The following MYO5C variants were observed in gnomAD, a reference collection of about 807,000 sequenced individuals.
MYO5C encodes the protein myosin VC.
A neutral mutation model predicts 235.7 loss-of-function variants in MYO5C; 194 were observed. That is an observed-to-expected ratio of 0.82 (90% CI 0.73 to 0.93). MYO5C has a LOEUF of 0.93. MYO5C is among the 40% of genes least tolerant of loss of function. MYO5C has a pLI of 0.00. For missense variants in MYO5C, 2,038 were observed against 2,127.2 expected (o/e 0.96, Z 0.82); for synonymous variants, 707 against 754.8 (o/e 0.94, Z 1.04).
intron 1 of MYO5C, among the ~76,000 whole-genome samples, chr15:52,290,592 T>C (rs1377694583): frequency 6.8e-6 from 1 of 148,086 alleles, no homozygotes; most frequent in Non-Finnish European, 1.5e-5. Flanking sequence ...AGTCATAACC[T>C]GAGTTCTAAT....
At chr15:52,219,488 C>T (rs1189209293) in intron 31 of MYO5C, among the ~76,000 whole-genome samples, 1 of 152,208 alleles carries the variant, frequency 6.6e-6, no homozygotes, top group Non-Finnish European at 1.5e-5. Flanking sequence ...GTGTCCTCCC[C>T]TCCTCTGTGT....
intron 28 of MYO5C, 39 bp downstream of exon 28, chr15:52,224,862 T>C (rs1183239996): frequency 6.5e-7 from 1 of 1,539,624 alleles, no homozygotes; most frequent in East Asian, 2.2e-5. Context: ...ATTTATTATC[T>C]CTGAAAAATA....
chr15:52,249,120 C>G (rs1566978957), intron 13 of MYO5C, among the ~76,000 whole-genome samples: 2 of 152,244 alleles, frequency 1.3e-5, no homozygotes, highest in South Asian at 4.2e-4. Context: ...TTGAAGCCAC[C>G]AGGAGGAGGA....
chr15:52,279,528 T>C lies in MYO5C; in HGVS notation c.285A>G (p.Lys95=). 6.2e-7 allele frequency: 1 copy of C among 1,613,368 alleles called. No homozygotes were observed. The highest frequency in any genetic ancestry group is 8.5e-7 in the Non-Finnish European group (1 of 1,179,376). The change falls in exon 3 of 41, where the codon AAA becomes AAG. Residue 95 remains lysine, a synonymous_variant. Coordinates refer to ENST00000261839, the MANE Select transcript of MYO5C (RefSeq NM_018728.4). The part of the protein sequence containing the change: ...HNLRIRFAES[K]LIYTYSGIIL... ...CCTTACCACTGTAGGTGTAAATGAG[T>C]TTGGATTCTGCAAAGCGGATTCTGA...
chr15:52,205,182 A>AG (rs780626797), intron 37 of MYO5C, 35 bp from the exon 38 acceptor site: 1 of 1,604,308 alleles, frequency 6.2e-7, no homozygotes, highest in Non-Finnish European at 8.5e-7. Context: ...CTGACACGCC[A>AG]GGAGACACAC....
intron 7 of MYO5C, among the ~76,000 whole-genome samples, chr15:52,270,394 G>T (rs2036892885): frequency 6.6e-6 from 1 of 152,138 alleles, no homozygotes; most frequent in Admixed American, 6.5e-5. Flanking sequence ...GAATTTAAAT[G>T]CAGGCCTAAC....
chr15:52,293,310 G>A (rs897579790), intron 1 of MYO5C, among the ~76,000 whole-genome samples: 1 of 151,852 alleles, frequency 6.6e-6, no homozygotes, highest in Non-Finnish European at 1.5e-5. Context: ...TGCATTCCCC[G>A]CTGGCCTGTC....
At position 52,193,695 on chromosome 15, in the gene MYO5C, C is replaced by G; in HGVS notation, c.*207G>C. The G allele has an allele frequency of 1.8e-6, 1 of 540,556 alleles. No homozygotes were observed. The highest frequency in any genetic ancestry group is 3.9e-5 in the Admixed American group (1 of 25,742). 33.5% of individuals were successfully genotyped at this position (540,556 alleles called of 1,614,324 possible). A position where few individuals can be genotyped will look rare whatever the true frequency, so the allele number is the denominator to read the frequency against. The stretch of plus-strand genomic sequence containing the variant: ...GATTCGAGAGTGAGACATGGCTTTT[C>G]CAAATACAGCTGGTGTGTGTGAATT... On this transcript the variant is annotated 3_prime_UTR_variant, in exon 41 of 41. Transcript: ENST00000261839.
At chr15:52,240,554 G>GAAAA (rs1566975297) in intron 20 of MYO5C, among the ~76,000 whole-genome samples, 5 of 132,068 alleles carry the variant, frequency 3.8e-5, no homozygotes, top group Non-Finnish European at 6.3e-5. Flanking sequence ...AAAAGAAAAA[G>GAAAA]AAGAAAAAAG....
intron 21 of MYO5C, among the ~76,000 whole-genome samples, chr15:52,238,999 T>C (rs2036152236): frequency 6.6e-6 from 1 of 151,918 alleles, no homozygotes; most frequent in Admixed American, 6.6e-5. Context: ...TTGCCCAGGC[T>C]GGAGTGCAGT....
chr15:52,205,046 T>G lies in MYO5C; in HGVS notation c.4639A>C (p.Thr1547Pro). The change falls in exon 38 of 41, where the codon ACC becomes CCC. Residue 1547 changes from threonine (T) to proline (P), a missense_variant. Thr to Pro is a conservative substitution (Grantham distance 38). Transcript: ENST00000261839. ...AGCTGTTGCAGGACGGAGGTCATGG[T>G]GTAGCCGTCCGTGTCGTCTATGCTA... ...SSSIDDTDGY[T>P]MTSVLQQLSY... 2 of 1,614,180 alleles carry G rather than the reference T, an allele frequency of 1.2e-6. No individual in the cohort carries two copies. Among genetic ancestry groups the G allele is most frequent in the Non-Finnish European group, 1.7e-6 (2 of 1,180,022 alleles).
intron 29 of MYO5C, 129 bp from the exon 30 acceptor site, chr15:52,221,384 A>G: frequency 1.6e-6 from 1 of 622,186 alleles, no homozygotes; most frequent in Non-Finnish European, 2.7e-6. Context: ...AGAGCTAGCC[A>G]CGACATTAGA....
intron 25 of MYO5C, among the ~76,000 whole-genome samples, chr15:52,226,818 CA>C (rs893412576): frequency 2.0e-5 from 3 of 152,188 alleles, no homozygotes; most frequent in African/African-American, 7.2e-5. Flanking sequence ...CTGACTATAA[CA>C]CATATAACTT....
intron 4 of MYO5C, 118 bp downstream of exon 4, chr15:52,278,755 C>T: frequency 8.0e-7 from 1 of 1,250,244 alleles, no homozygotes; most frequent in East Asian, 2.4e-5. Flanking sequence ...CAAAGCACCA[C>T]CTCTGGCCTA....
rs768258571 is a variant in MYO5C at position 52,208,610 on chromosome 15, A to G, written c.4330T>C (p.Trp1444Arg). ...HLEDFEMLSF[W>R]LSNTCHFLNC... ...AGAAAATGACAAGTGTTGGAAAGCC[A>G]AAAGGACAGCATTTCAAAGTCTTCT... The change falls in exon 36 of 41, where the codon TGG (tryptophan) becomes CGG (arginine). Residue 1444 changes from tryptophan to arginine, a missense_variant. Trp to Arg is a moderately radical substitution (Grantham distance 101, BLOSUM62 -3). Transcript: ENST00000261839. 7 of 1,614,052 alleles carry G rather than the reference A, an allele frequency of 4.3e-6. No homozygotes were observed. In the African/African-American group the frequency reaches 9.3e-5, roughly 22 times the overall value.
chr15:52,230,120 C>G (rs1953198094), intron 24 of MYO5C, among the ~76,000 whole-genome samples: 1 of 152,190 alleles, frequency 6.6e-6, no homozygotes, highest in South Asian at 2.1e-4. Flanking sequence ...AGCAAATCCA[C>G]GTGCCCAAAA....
intron 1 of MYO5C, 129 bp downstream of exon 1, chr15:52,295,481 C>A (rs1267443128): frequency 2.7e-6 from 3 of 1,125,112 alleles, no homozygotes; most frequent in Non-Finnish European, 3.5e-6. Flanking sequence ...CGGCCCCCAG[C>A]GCGCGCCCGC....
Position 52,242,144 on chromosome 15 carries a change from C to A in MYO5C, c.2460G>T (p.Gly820=). Residue 820 remains glycine, a synonymous_variant, in exon 20 of 41, where the codon GGG becomes GGT. Coordinates refer to ENST00000261839, the MANE Select transcript of MYO5C (RefSeq NM_018728.4). The part of the protein sequence containing the change: ...AAIIIQKHCR[G]YLVRSLYQLI... ...ACTGATACAGGCTGCGAACAAGATA[C>A]CCGCGGCAGTGCTTCTGAATGATTA... is the stretch of plus-strand genomic sequence containing the variant. 6.2e-7 allele frequency: 1 copy of A among 1,614,156 alleles called. No homozygotes were observed. The highest frequency in any genetic ancestry group is 8.5e-7 in the Non-Finnish European group (1 of 1,180,008).
Position 52,205,163 on chromosome 15 carries a change from G to GAGGCTGTGCTGACACGCC in MYO5C, c.4538-34_4538-17dup. 1 of 1,611,126 alleles carries GAGGCTGTGCTGACACGCC rather than the reference G, an allele frequency of 6.2e-7. No homozygotes were observed. The highest frequency in any genetic ancestry group is 8.5e-7 in the Non-Finnish European group (1 of 1,178,260). On this transcript the variant is annotated splice_polypyrimidine_tract_variant and intron_variant, in intron 37 of 40. Transcript: ENST00000261839. ...ATTCCCGGAACTGCGGAGAGACAGG[G>GAGGCTGTGCTGACACGCC]AGGCTGTGCTGACACGCCAGGAGAC...
Sources: allele counts gnomAD v4.1 joint callset (sites outside exome capture counted in the v4.1 genomes callset), GRCh38; gene constraint gnomAD v4.1.1; transcripts MANE v1.5; gene names NCBI Gene and HGNC (gene_info 2026-07-23, HGNC 2026-07-21).